Variants in MEDAG observed in about 807,000 individuals in gnomAD.
MEDAG encodes mesenteric estrogen-dependent adipogenesis protein.
A neutral mutation model predicts 29.9 loss-of-function variants in MEDAG; 25 were observed. The ratio of observed to expected loss-of-function variants is 0.84; its 90% CI spans 0.61 to 1.17. The LOEUF (loss-of-function observed/expected upper bound fraction) is 1.17. Ranked by LOEUF, MEDAG falls within the 50% of genes most tolerant of loss-of-function variation. The probability of loss-of-function intolerance (pLI) is 0.00; values close to 1 mark genes in which losing one functional copy is unlikely to be tolerated. For synonymous variants in MEDAG, 158 were observed against 148.2 expected (o/e 1.07, Z -0.48); for missense variants, 398 against 372.9 (o/e 1.07, Z -0.56).
chr13:30,914,466 A>C (rs1370230134), intron 1 of MEDAG, among the ~76,000 whole-genome samples: 1 of 152,238 alleles, frequency 6.6e-6, no homozygotes, highest in East Asian at 1.9e-4. Context: ...AGCCTGGTTA[A>C]GGAGCTGAAA....
chr13:30,908,730 C>T (rs1180460912), intron 1 of MEDAG: 1 of 150,072 alleles, frequency 6.7e-6, no homozygotes, highest in East Asian at 2.0e-4. Flanking sequence ...TCCCTCCCTC[C>T]CTCCCTTCCT....
At position 30,924,602 on chromosome 13, in the gene MEDAG, T is replaced by G; in HGVS notation, c.*167T>G. 1 of 640,712 alleles carries G rather than the reference T, an allele frequency of 1.6e-6. No individual in the cohort carries two copies. The allele number at this position is 640,712 out of a possible 1,614,324, so 39.7% of individuals were successfully genotyped here. ...CTCTCTTCTGCTTCTGTGGATGTGATGCCCTGGCAGGCCCAGGGCAGCTGA... is the reference window on the plus strand; with the variant it reads ...CTCTCTTCTGCTTCTGTGGATGTGAGGCCCTGGCAGGCCCAGGGCAGCTGA... On this transcript the variant is annotated 3_prime_UTR_variant, in exon 5 of 5. Transcript: ENST00000380482.
chr13:30,917,591 T>G lies in MEDAG; in HGVS notation c.388+79T>G. ...TGGGTAATTTATAAAGAAAAGAGGTTTAATTGGCTCACGGTTCTGCAGGCT... is the reference window on the plus strand; with the variant it reads ...TGGGTAATTTATAAAGAAAAGAGGTGTAATTGGCTCACGGTTCTGCAGGCT... On this transcript the variant is annotated intron_variant, in intron 2 of 4. Coordinates refer to ENST00000380482, the MANE Select transcript of MEDAG (RefSeq NM_032849.4). 32 of 815,392 alleles carry G rather than the reference T, an allele frequency of 3.9e-5. 1 individual carries two copies. The South Asian group carries it at 5.0e-4, about 13-fold the overall frequency. 50.5% of individuals were successfully genotyped at this position (815,392 alleles called of 1,614,324 possible). A position where few individuals can be genotyped will look rare whatever the true frequency, so the allele number is the denominator to read the frequency against.
chr13:30,918,995 G>A (rs1470050057), intron 2 of MEDAG, among the ~76,000 whole-genome samples: 1 of 152,188 alleles, frequency 6.6e-6, no homozygotes, highest in Non-Finnish European at 1.5e-5. Flanking sequence ...AAAAGAGTAA[G>A]AGCCCTCTTC....
At chr13:30,924,111 G>A (rs955277811) in intron 4 of MEDAG, among the ~76,000 whole-genome samples, 200 bp from the exon 5 acceptor site, 1 of 151,986 alleles carries the variant, frequency 6.6e-6, no homozygotes, top group African/African-American at 2.4e-5. Context: ...ACTCCAGCCC[G>A]CAAAAAAGCA....
Position 30,924,435 on chromosome 13 carries a change from A to C in MEDAG, c.912A>C (p.Ter304CysextTer3). The change falls in exon 5 of 5, where the codon TGA becomes TGC. Residue 304 changes from the stop codon to cysteine, a stop_lost. Coordinates refer to ENST00000380482, the MANE Select transcript of MEDAG (RefSeq NM_032849.4). ...AAGAGACACCCAACCAATTTATCTG[A>C]TTGAACTGAACATTGTAGCAGTTGC... is the stretch of plus-strand genomic sequence containing the variant. ...ESEETPNQFI[*>C] is the part of the protein sequence containing the mutation. The C allele has an allele frequency of 6.2e-7, 1 of 1,613,912 alleles. No homozygotes were observed. The highest frequency in any genetic ancestry group is 8.5e-7 in the Non-Finnish European group (1 of 1,179,934).
In MEDAG at chr13:30,924,516, A is replaced by G. The variant is rs1593513821; in HGVS notation, c.*81A>G. On this transcript the variant is annotated 3_prime_UTR_variant, in exon 5 of 5. Transcript: ENST00000380482. ...GGCTGGGGGGAGGGTAGGAGGTGGG[A>G]GGCAGATACTTCCACCTGCGTGTCA... 2 of 1,419,280 alleles carry G rather than the reference A, an allele frequency of 1.4e-6. No individual in the cohort carries two copies. The highest frequency in any genetic ancestry group is 2.8e-5 in the South Asian group (2 of 70,420). 87.9% of individuals were successfully genotyped at this position (1,419,280 alleles called of 1,614,324 possible). A position where few individuals can be genotyped will look rare whatever the true frequency, so the allele number is the denominator to read the frequency against.
At chr13:30,920,712 A>C (rs1175764607) in intron 2 of MEDAG, among the ~76,000 whole-genome samples, 1 of 152,164 alleles carries the variant, frequency 6.6e-6, no homozygotes, top group Non-Finnish European at 1.5e-5. Flanking sequence ...CTCATCTGTG[A>C]TAATTATAGA....
Position 30,906,722 on chromosome 13 carries a change from C to T in MEDAG, c.207C>T (p.Gly69=). Residue 69 remains glycine (G), a synonymous_variant, in exon 1 of 5, where the codon GGC becomes GGT. Coordinates refer to ENST00000380482, the MANE Select transcript of MEDAG (RefSeq NM_032849.4). ...RPGEPAAARG[G]FNVFGDGLVR... is the part of the protein sequence containing the mutation. ...GGGAGCCGGCGGCGGCGCGGGGGGGCTTCAACGTCTTCGGTGACGGCCTCG... is the reference window on the plus strand; with the variant it reads ...GGGAGCCGGCGGCGGCGCGGGGGGGTTTCAACGTCTTCGGTGACGGCCTCG... 2 of 1,516,538 alleles carry T rather than the reference C, an allele frequency of 1.3e-6. No individual in the cohort carries two copies. Among genetic ancestry groups the T allele is most frequent in the Middle Eastern group, 1.9e-4 (1 of 5,360 alleles). The allele number at this position is 1,516,538 out of a possible 1,614,324, so 93.9% of individuals were successfully genotyped here. A position where few individuals can be genotyped will look rare whatever the true frequency, so the allele number is the denominator to read the frequency against.
At position 30,921,578 on chromosome 13, in the gene MEDAG, A is replaced by T. The variant is rs1252580730; in HGVS notation, c.519A>T (p.Ala173=). ...SYRLQFDFQE[A]VKNFFPPGNE... ...TCTTTCAGTTTGATTTTCAAGAGGC[A>T]GTGAAGAATTTCTTCCCCCCAGGAA... The change falls in exon 4 of 5, where the codon GCA becomes GCT. Residue 173 remains alanine (A), a synonymous_variant. Coordinates refer to ENST00000380482, the MANE Select transcript of MEDAG (RefSeq NM_032849.4). 2 of 1,606,808 alleles carry T rather than the reference A, an allele frequency of 1.2e-6. No individual in the cohort carries two copies. Among genetic ancestry groups the T allele is most frequent in the African/African-American group, 2.7e-5 (2 of 74,494 alleles).
chr13:30,924,016 T>C (rs1466710492), intron 4 of MEDAG, among the ~76,000 whole-genome samples: 2 of 104,496 alleles, frequency 1.9e-5, no homozygotes, highest in Non-Finnish European at 4.5e-5. Flanking sequence ...CTGCAAAAAC[T>C]GTTCTCTGTC....
At position 30,924,753 on chromosome 13, in the gene MEDAG, C is replaced by T. The variant is rs562475969; in HGVS notation, c.*318C>T. ...GCAGAAGGGCCACAGAGTTCTGCCA[C>T]CCTGAACATTTTTCTCAGTTCCCTG... On this transcript the variant is annotated 3_prime_UTR_variant, in exon 5 of 5. Coordinates refer to ENST00000380482, the MANE Select transcript of MEDAG (RefSeq NM_032849.4). The T allele has an allele frequency of 5.0e-6, 1 of 198,290 alleles. No homozygotes were observed. The highest frequency in any genetic ancestry group is 1.8e-4 in the South Asian group (1 of 5,494). The allele number at this position is 198,290 out of a possible 1,614,324, so 12.3% of individuals were successfully genotyped here.
chr13:30,923,510 TG>T (rs1432440077), intron 4 of MEDAG, among the ~76,000 whole-genome samples: 3 of 152,178 alleles, frequency 2.0e-5, no homozygotes, highest in Non-Finnish European at 4.4e-5. Context: ...CTTCCCATGT[TG>T]TTTCAGCTTT....
Position 30,906,502 on chromosome 13 carries a change from CCGA to C in MEDAG, c.-8_-6del. ...CGGACGGAAGCAGGCGGTGTGAGGA[CCGA>C]CGACGCGGGCATGGCGGGGGCGGCC... On this transcript the variant is annotated 5_prime_UTR_variant, in exon 1 of 5. Transcript: ENST00000380482. 6.7e-7 allele frequency: 1 copy of C among 1,501,352 alleles called. No individual in the cohort carries two copies. The highest frequency in any genetic ancestry group is 8.8e-7 in the Non-Finnish European group (1 of 1,132,492). 93.0% of individuals were successfully genotyped at this position (1,501,352 alleles called of 1,614,324 possible).
At chr13:30,909,508 A>C (rs551652785) in intron 1 of MEDAG, among the ~76,000 whole-genome samples, 1 of 152,274 alleles carries the variant, frequency 6.6e-6, no homozygotes, top group Non-Finnish European at 1.5e-5. Flanking sequence ...GGATCCCAAA[A>C]GGCAAAATGG....
Position 30,921,549 on chromosome 13 carries a change from T to C in MEDAG, c.502-12T>C. The C allele has an allele frequency of 6.3e-7, 1 of 1,591,348 alleles. No individual in the cohort carries two copies. The highest frequency in any genetic ancestry group is 8.5e-7 in the Non-Finnish European group (1 of 1,171,430). ...GTCCATTAAGTCAATGCAATGTTCCTCTCTCTTTCAGTTTGATTTTCAAGA... is the reference window on the plus strand; with the variant it reads ...GTCCATTAAGTCAATGCAATGTTCCCCTCTCTTTCAGTTTGATTTTCAAGA... On this transcript the variant is annotated splice_polypyrimidine_tract_variant and intron_variant, in intron 3 of 4. Transcript: ENST00000380482.
chr13:30,924,324 T>A lies in MEDAG; in HGVS notation c.801T>A (p.Asp267Glu), dbSNP rs751918546. ...FSVTSRGSID[D>E]VFNCNLSPRS... ...ACTGTTTTTTAGGTTCAATAGATGA[T>A]GTTTTTAACTGCAATCTGTCACCCA... Residue 267 changes from aspartate to glutamate, a missense_variant, in exon 5 of 5, where the codon GAT becomes GAA. Coordinates refer to ENST00000380482, the MANE Select transcript of MEDAG (RefSeq NM_032849.4). 7.3e-5 allele frequency: 118 copies of A among 1,613,532 alleles called. 1 individual carries two copies. The highest frequency in any genetic ancestry group is 1.5e-4 in the African/African-American group (11 of 74,926).
intron 2 of MEDAG, among the ~76,000 whole-genome samples, 161 bp downstream of exon 2, chr13:30,917,673 G>A (rs561192906): frequency 6.6e-6 from 1 of 152,300 alleles, no homozygotes; most frequent in African/African-American, 2.4e-5. Context: ...GGTGGAAGGC[G>A]AAGGGAAAGC....
intron 1 of MEDAG, among the ~76,000 whole-genome samples, chr13:30,908,413 G>A (rs1273006921): frequency 6.6e-6 from 1 of 152,210 alleles, no homozygotes; most frequent in Non-Finnish European, 1.5e-5. Context: ...GATGGAAGGA[G>A]CTATCTATTG....
Sources: allele counts gnomAD v4.1 joint callset (sites outside exome capture counted in the v4.1 genomes callset), GRCh38; gene constraint gnomAD v4.1.1; transcripts MANE v1.5; gene names NCBI Gene and HGNC (gene_info 2026-07-23, HGNC 2026-07-21).